The following TRAPPC11 variants were observed in gnomAD, a reference collection of about 807,000 sequenced individuals.
The protein encoded by TRAPPC11 is trafficking protein particle complex subunit 11, also known as foie gras homolog.
A neutral mutation model predicts 151.2 loss-of-function variants in TRAPPC11; 104 were observed. The ratio of observed to expected loss-of-function variants is 0.69; its 90% CI spans 0.59 to 0.81. The LOEUF (loss-of-function observed/expected upper bound fraction) is 0.81. Ranked by LOEUF, TRAPPC11 falls within the 30% of genes least tolerant of loss-of-function variation. The pLI is 0.00. For missense variants in TRAPPC11, 1,230 were observed against 1,349.6 expected (o/e 0.91, Z 1.39); for synonymous variants, 456 against 472.3 (o/e 0.97, Z 0.45).
intron 17 of TRAPPC11, among the ~76,000 whole-genome samples, chr4:183,686,417 G>A (rs1057011270): frequency 9.2e-5 from 14 of 152,222 alleles, no homozygotes; most frequent in African/African-American, 2.9e-4. Flanking sequence ...GATTACAGGC[G>A]TGAGCCACTG....
At position 183,692,981 on chromosome 4, in the gene TRAPPC11, C is replaced by T; in HGVS notation, c.2071C>T (p.Leu691=). The change falls in exon 20 of 30, where the codon CTG becomes TTG. Residue 691 remains leucine (L), a synonymous_variant. Coordinates refer to ENST00000334690, the MANE Select transcript of TRAPPC11 (RefSeq NM_021942.6). ...KIEITSVDLA[L]GNETGRCVVL... Reference sequence around the variant, plus strand: ...TTAGATTACTTCAGTGGATCTTGCTCTGGGCAATGAGACGGGAAGATGTGT... The same window carrying T: ...TTAGATTACTTCAGTGGATCTTGCTTTGGGCAATGAGACGGGAAGATGTGT... 1.9e-6 allele frequency: 3 copies of T among 1,611,076 alleles called. No homozygotes were observed. Among genetic ancestry groups the T allele is most frequent in the Non-Finnish European group, 2.5e-6 (3 of 1,178,478 alleles).
intron 2 of TRAPPC11, among the ~76,000 whole-genome samples, chr4:183,665,135 CCG>C (rs1252347281): frequency 2.0e-5 from 3 of 148,304 alleles, no homozygotes; most frequent in Non-Finnish European, 1.5e-5. Flanking sequence ...CGCTCTGTCC[CCG>C]AGGCTGGAGT....
rs151021715 is a variant in TRAPPC11 at position 183,693,918 on chromosome 4, A to C, written c.2388A>C (p.Gly796=). The change falls in exon 22 of 30, where the codon GGA becomes GGC. Residue 796 remains glycine (G), a splice_region_variant and synonymous_variant. Coordinates refer to ENST00000334690, the MANE Select transcript of TRAPPC11 (RefSeq NM_021942.6). The stretch of plus-strand genomic sequence containing the variant: ...AAGAACCAATATTAACTCTTTTAGG[A>C]CAGGATGCCAATTTAACTCAGAAGA... ...DVKLTAGLKP[G]QDANLTQKTH... 2,919 of 1,613,410 alleles carry C rather than the reference A, an allele frequency of 1.8e-3. 3 individuals are homozygous for C. The highest frequency in any genetic ancestry group is 2.2e-3 in the Non-Finnish European group (2,617 of 1,179,434).
chr4:183,704,151 A>T (rs1453121878), intron 26 of TRAPPC11, among the ~76,000 whole-genome samples: 8 of 152,236 alleles, frequency 5.3e-5, no homozygotes. Flanking sequence ...GCCCTGGGTT[A>T]TAACAGTTTG....
rs1021008428 is a variant in TRAPPC11 at position 183,664,953 on chromosome 4, C to T, written c.204+882C>T. Among the ~76,000 whole-genome samples the T allele has an allele frequency of 1.5e-4, 23 of 152,074 alleles. 1 individual carries two copies. Among genetic ancestry groups the T allele is most frequent in the South Asian group, 2.1e-4 (1 of 4,814 alleles). On this transcript the variant is annotated intron_variant, in intron 2 of 29. Coordinates refer to ENST00000334690, the MANE Select transcript of TRAPPC11 (RefSeq NM_021942.6). ...TTCTGGGAATATAGGACTTGGTCAC[C>T]GGCTGATTATTTTTGTGTGTGTTTG...
At chr4:183,660,892 T>G (rs562024763) in intron 1 of TRAPPC11, among the ~76,000 whole-genome samples, 1 of 152,126 alleles carries the variant, frequency 6.6e-6, no homozygotes, top group East Asian at 1.9e-4. Flanking sequence ...TTTTGTATTT[T>G]TAGTAGAGAC....
rs752479011 is a variant in TRAPPC11, at chr4:183,693,989, C to T, written c.2459C>T (p.Pro820Leu). The T allele has an allele frequency of 1.1e-5, 17 of 1,613,898 alleles. No individual in the cohort carries two copies. Among genetic ancestry groups the T allele is most frequent in the African/African-American group, 5.3e-5 (4 of 74,920 alleles). Residue 820 changes from proline (P) to leucine (L), a missense_variant, in exon 22 of 30, where the codon CCG (proline) becomes CTG (leucine). Pro to Leu is a moderately conservative substitution (Grantham distance 98). Coordinates refer to ENST00000334690, the MANE Select transcript of TRAPPC11 (RefSeq NM_021942.6). ...HGTELCDESY[P>L]ALLTDIPVGD... is the part of the protein sequence containing the mutation. ...ACAGAACTGTGTGATGAATCCTACCCGGCTTTACTCACTGACATTCCTGTT... is the reference window on the plus strand; with the variant it reads ...ACAGAACTGTGTGATGAATCCTACCTGGCTTTACTCACTGACATTCCTGTT...
chr4:183,669,063 A>G (rs913457016), intron 5 of TRAPPC11, among the ~76,000 whole-genome samples: 1 of 152,214 alleles, frequency 6.6e-6, no homozygotes, highest in Non-Finnish European at 1.5e-5. Context: ...AAAGAGAAGC[A>G]TACATTTAGC....
chr4:183,700,577 C>A (rs959614502), intron 25 of TRAPPC11, among the ~76,000 whole-genome samples: 22 of 152,154 alleles, frequency 1.4e-4, no homozygotes, highest in African/African-American at 4.8e-4. Context: ...GGGCGCTTAT[C>A]TTGTCATCAG....
intron 29 of TRAPPC11, among the ~76,000 whole-genome samples, chr4:183,709,045 C>T (rs967948206): frequency 4.6e-5 from 7 of 151,782 alleles, no homozygotes; most frequent in Admixed American, 2.6e-4. Flanking sequence ...AGAATACATA[C>T]GATGGGCAGT....
In TRAPPC11 at chr4:183,664,169, C is replaced by T. The variant is rs1734722017; in HGVS notation, c.204+98C>T. On this transcript the variant is annotated intron_variant, in intron 2 of 29. Transcript: ENST00000334690. ...GTTGTGTGTGTGGAGTTTATCAAGA[C>T]AGTGGTCACAGTGGTGCATAAAGAA... 58 of 984,350 alleles carry T rather than the reference C, an allele frequency of 5.9e-5. 1 individual carries two copies. In the South Asian group the frequency reaches 7.7e-4, roughly 13 times the overall value. 61.0% of individuals were successfully genotyped at this position (984,350 alleles called of 1,614,324 possible).
At position 183,708,538 on chromosome 4, in the gene TRAPPC11, G is replaced by A; in HGVS notation, c.3321G>A (p.Leu1107=). Residue 1107 remains leucine, a synonymous_variant, in exon 29 of 30, where the codon CTG becomes CTA. Coordinates refer to ENST00000334690, the MANE Select transcript of TRAPPC11 (RefSeq NM_021942.6). ...LLRFPNFTNQ[L]LRRFIPTSIF... ...GATTTCCTAACTTCACAAATCAGCT[G>A]CTCAGGCGTTTTATACCTACCAGTA... is the stretch of plus-strand genomic sequence containing the variant. 3.1e-6 allele frequency: 5 copies of A among 1,614,008 alleles called. No homozygotes were observed. Among genetic ancestry groups the A allele is most frequent in the Non-Finnish European group, 4.2e-6 (5 of 1,179,972 alleles).
rs768704052 is a variant in TRAPPC11, at chr4:183,693,572, A to G, written c.2238-17A>G. 2 of 1,588,434 alleles carry G rather than the reference A, an allele frequency of 1.3e-6. No individual in the cohort carries two copies. The highest frequency in any genetic ancestry group is 1.9e-5 in the Admixed American group (1 of 52,272). ...TTTTTTTTTGATCAGTTACTTAGCT[A>G]AGGTTTCTTTTCAAAGGATCATATC... is the stretch of plus-strand genomic sequence containing the variant. On this transcript the variant is annotated splice_polypyrimidine_tract_variant and intron_variant, in intron 20 of 29. Coordinates refer to ENST00000334690, the MANE Select transcript of TRAPPC11 (RefSeq NM_021942.6).
At position 183,684,338 on chromosome 4, in the gene TRAPPC11, A is replaced by G. The variant is rs1306197434; in HGVS notation, c.1400A>G (p.Lys467Arg). ...ATGGGAGAGGAATATTATTACGCAA[A>G]GGATTATACCAAAGCTTTGAAGTGA... ...VQMGEEYYYA[K>R]DYTKALKLLD... Residue 467 changes from lysine to arginine, a missense_variant, in exon 14 of 30, where the codon AAG (lysine) becomes AGG (arginine). Lys to Arg is a conservative substitution (Grantham distance 26). Coordinates refer to ENST00000334690, the MANE Select transcript of TRAPPC11 (RefSeq NM_021942.6). 6.2e-7 allele frequency: 1 copy of G among 1,613,752 alleles called. No homozygotes were observed. Among genetic ancestry groups the G allele is most frequent in the Non-Finnish European group, 8.5e-7 (1 of 1,179,698 alleles).
intron 8 of TRAPPC11, 41 bp from the exon 9 acceptor site, chr4:183,679,312 C>G: frequency 6.6e-7 from 1 of 1,510,044 alleles, no homozygotes; most frequent in Non-Finnish European, 8.8e-7. Flanking sequence ...TTTTGACTTT[C>G]TTTTTTTCCT....
chr4:183,697,670 T>A lies in TRAPPC11; in HGVS notation c.2695-9T>A. On this transcript the variant is annotated splice_polypyrimidine_tract_variant and intron_variant, in intron 24 of 29. Coordinates refer to ENST00000334690, the MANE Select transcript of TRAPPC11 (RefSeq NM_021942.6). Reference sequence around the variant, plus strand: ...TTCCTGACAGACCTTTTATCTTCATTTGTGACAGTTTGAGCACCTGGAAAG... The same window carrying A: ...TTCCTGACAGACCTTTTATCTTCATATGTGACAGTTTGAGCACCTGGAAAG... 1 of 1,613,628 alleles carries A rather than the reference T, an allele frequency of 6.2e-7. No homozygotes were observed. Among genetic ancestry groups the A allele is most frequent in the African/African-American group, 1.3e-5 (1 of 75,030 alleles).
rs139252507 is a variant in TRAPPC11, at chr4:183,700,141, G to A, written c.2852-1556G>A. 2.4e-3 allele frequency among the ~76,000 whole-genome samples: 373 copies of A among 152,252 alleles called. 1 individual carries two copies. Among genetic ancestry groups the A allele is most frequent in the African/African-American group, 8.5e-3 (354 of 41,554 alleles). The stretch of plus-strand genomic sequence containing the variant: ...TTAATTATTAATAAACATTGTGACC[G>A]TTTTATTTAACTTCTTACAATTAAG... On this transcript the variant is annotated intron_variant, in intron 25 of 29. Transcript: ENST00000334690.
At chr4:183,706,309 G>A (rs1439174314) in intron 27 of TRAPPC11, among the ~76,000 whole-genome samples, 1 of 152,140 alleles carries the variant, frequency 6.6e-6, no homozygotes, top group East Asian at 1.9e-4. Context: ...GGATCACGAG[G>A]TCAGGAGATC....
intron 5 of TRAPPC11, 105 bp from the exon 6 acceptor site, chr4:183,674,606 CAG>C (rs1459087811): frequency 2.4e-5 from 14 of 577,632 alleles, no homozygotes; most frequent in South Asian, 1.7e-4. Flanking sequence ...TAATGTAAAA[CAG>C]ATATTTCTGT....
Sources: gnomAD v4.1 joint callset for allele counts (sites outside exome capture counted in the v4.1 genomes callset) on GRCh38, gnomAD v4.1.1 for gene constraint, MANE v1.5 for transcripts, NCBI Gene and HGNC (gene_info 2026-07-23, HGNC 2026-07-21) for gene names.